Variants in ACP2 observed in about 807,000 individuals in gnomAD.
The protein encoded by ACP2 is lysosomal acid phosphatase.
In ACP2, 35 loss-of-function variants were observed where a neutral mutation model predicts 54.7. The observed-to-expected ratio is 0.64, with a 90% confidence interval of 0.49 to 0.85. ACP2 has a LOEUF of 0.85. ACP2 is among the 40% of genes least tolerant of loss of function. The pLI is 0.00. For synonymous variants in ACP2, 210 were observed against 224.4 expected, an observed-to-expected ratio of 0.94 and a Z score of 0.57; for missense variants, 492 against 565.0, an observed-to-expected ratio of 0.87 and a Z score of 1.31.
chr11:47,240,238 C>G lies in ACP2; in HGVS notation c.1150G>C (p.Ala384Pro), dbSNP rs1407202904. The G allele has an allele frequency of 6.6e-7, 1 of 1,512,496 alleles. No homozygotes were observed. The highest frequency in any genetic ancestry group is 2.3e-5 in the East Asian group (1 of 44,338). 93.7% of individuals were successfully genotyped at this position (1,512,496 alleles called of 1,614,324 possible). The stretch of plus-strand genomic sequence containing the variant: ...AGGATGGAGCCACATACAGCCAAGG[C>G]CACAATCACCTCTGGGCATGGGGGA... ...SGPADTEVIV[A>P]LAVCGSILFL... The change falls in exon 11 of 11, where the codon GCC (alanine) becomes CCC (proline). Residue 384 changes from alanine to proline, a missense_variant. Physicochemically the swap from Ala to Pro is conservative, Grantham distance 27. Transcript: ENST00000672073.
At chr11:47,241,443 G>A (rs1291591065) in intron 10 of ACP2, among the ~76,000 whole-genome samples, 1 of 152,186 alleles carries the variant, frequency 6.6e-6, no homozygotes, top group Non-Finnish European at 1.5e-5. Flanking sequence ...CTTACACCCG[G>A]GAGGCGGAGG....
intron 10 of ACP2, among the ~76,000 whole-genome samples, chr11:47,240,559 C>T (rs1475303802): frequency 6.6e-6 from 1 of 152,150 alleles, no homozygotes; most frequent in African/African-American, 2.4e-5. Context: ...GTGGCTCACA[C>T]CTGTAATCCC....
rs754455970 is a variant in ACP2 at position 47,245,581 on chromosome 11, C to T, written c.451-9G>A. ...AACGGGAACTTCAGCAGCTGTAGAG[C>T]GAAGCGGGGAAACAGGCAGCGGGAA... On this transcript the variant is annotated splice_polypyrimidine_tract_variant and intron_variant, in intron 4 of 10. Transcript: ENST00000672073. The T allele has an allele frequency of 8.1e-6, 13 of 1,614,220 alleles. No individual in the cohort carries two copies. The highest frequency in any genetic ancestry group is 4.4e-5 in the South Asian group (4 of 91,082).
intron 3 of ACP2, among the ~76,000 whole-genome samples, chr11:47,247,013 G>A (rs1954144558): frequency 6.6e-6 from 1 of 152,108 alleles, no homozygotes; most frequent in African/African-American, 2.4e-5. Flanking sequence ...TTCTTGATAC[G>A]GCTGAGGCTG....
intron 7 of ACP2, 33 bp downstream of exon 7, chr11:47,244,702 G>A (rs1953989298): frequency 6.4e-7 from 1 of 1,553,568 alleles, no homozygotes; most frequent in Non-Finnish European, 8.8e-7. Flanking sequence ...AGGGTCCTGA[G>A]GAGTAGAGTG....
chr11:47,248,063 G>A lies in ACP2; in HGVS notation c.185C>T (p.Pro62Leu), dbSNP rs759232793. ...CTTGGTTAACTGACCAAACCCCTGGGGCCATTCTTCTTCCTGATAGGGGTC... is the reference window on the plus strand; with the variant it reads ...CTTGGTTAACTGACCAAACCCCTGGAGCCATTCTTCTTCCTGATAGGGGTC... ...PKDPYQEEEW[P>L]QGFGQLTKEG... The change falls in exon 2 of 11, where the codon CCC (proline) becomes CTC (leucine). Residue 62 changes from proline to leucine, a missense_variant. Coordinates refer to ENST00000672073, the MANE Select transcript of ACP2 (RefSeq NM_001610.4). The A allele has an allele frequency of 1.9e-6, 3 of 1,609,760 alleles. No homozygotes were observed. The highest frequency in any genetic ancestry group is 2.7e-5 in the African/African-American group (2 of 74,596).
chr11:47,242,672 A>C, intron 10 of ACP2, 51 bp downstream of exon 10: 1 of 1,575,448 alleles, frequency 6.3e-7, no homozygotes, highest in Admixed American at 1.7e-5. Flanking sequence ...GTGGATGTGA[A>C]CTGCAGGCTG....
At position 47,245,505 on chromosome 11, in the gene ACP2, G is replaced by A. The variant is rs942193347; in HGVS notation, c.518C>T (p.Pro173Leu). ...CCGAGAACTCTCATTCTGATACTCT[G>A]GTGTCTGCCGGGTCTCGTTCTGCAG... is the stretch of plus-strand genomic sequence containing the variant. Reference protein sequence around the residue: ...EQLQNETRQTPEYQNESSRNA... With the variant: ...EQLQNETRQTLEYQNESSRNA... The change falls in exon 5 of 11, where the codon CCA (proline) becomes CTA (leucine). Residue 173 changes from proline to leucine, a missense_variant. Coordinates refer to ENST00000672073, the MANE Select transcript of ACP2 (RefSeq NM_001610.4). 1 of 1,614,242 alleles carries A rather than the reference G, an allele frequency of 6.2e-7. No individual in the cohort carries two copies. Among genetic ancestry groups the A allele is most frequent in the Non-Finnish European group, 8.5e-7 (1 of 1,180,036 alleles).
In ACP2 at chr11:47,245,650, C is replaced by T. The variant is rs1425892905; in HGVS notation, c.450+32G>A. On this transcript the variant is annotated intron_variant, in intron 4 of 10. Transcript: ENST00000672073. ...AGGCCTACGGCCAGAGCTGTCCCCT[C>T]ACCACCCCAGGGAAGGGCTGGCCAC... 5 of 1,613,396 alleles carry T rather than the reference C, an allele frequency of 3.1e-6. No homozygotes were observed. The South Asian group carries it at 3.3e-5, about 11-fold the overall frequency.
chr11:47,242,528 T>C (rs1203399675), intron 10 of ACP2, among the ~76,000 whole-genome samples, 195 bp downstream of exon 10: 1 of 152,066 alleles, frequency 6.6e-6, no homozygotes, highest in East Asian at 1.9e-4. Context: ...TTGGCTCTTA[T>C]TTTCTCGGTG....
chr11:47,244,992 G>T, intron 6 of ACP2, 125 bp from the exon 7 acceptor site: 1 of 1,451,148 alleles, frequency 6.9e-7, no homozygotes, highest in Non-Finnish European at 9.1e-7. Flanking sequence ...AGGCAGAGGG[G>T]CTGGAACCAG....
intron 6 of ACP2, 124 bp from the exon 7 acceptor site, chr11:47,244,991 G>T (rs1030152350): frequency 1.4e-6 from 2 of 1,452,858 alleles, no homozygotes; most frequent in African/African-American, 2.8e-5. Context: ...GAGGCAGAGG[G>T]GCTGGAACCA....
Position 47,247,698 on chromosome 11 carries a change from G to A in ACP2, c.240C>T (p.Gly80=), listed in dbSNP as rs1397426751. 3 of 1,613,906 alleles carry A rather than the reference G, an allele frequency of 1.9e-6. No homozygotes were observed. In the Admixed American group the frequency reaches 5.0e-5, roughly 27 times the overall value. The change falls in exon 3 of 11, where the codon GGC becomes GGT. Residue 80 remains glycine, a synonymous_variant. Transcript: ENST00000672073. ...CGTGATAGCGCTGCCGCAGGGCCTGGCCCAGTTCCCAGTGCTGTAGCATCC... is the reference window on the plus strand; with the variant it reads ...CGTGATAGCGCTGCCGCAGGGCCTGACCCAGTTCCCAGTGCTGTAGCATCC... ...KEGMLQHWEL[G]QALRQRYHGF...
At position 47,242,879 on chromosome 11, in the gene ACP2, A is replaced by C. The variant is rs1565161745; in HGVS notation, c.982T>G (p.Tyr328Asp). ...EDSGNFSVEM[Y>D]FRNESDKAPW... ...GCCTTGTCACTCTCGTTCCGAAAGT[A>C]CATCTCCACTGAGAAATTCCTGAGG... The change falls in exon 10 of 11, where the codon TAC (tyrosine) becomes GAC (aspartate). Residue 328 changes from tyrosine (Y) to aspartate (D), a missense_variant. Tyr to Asp is a radical substitution (Grantham distance 160). Coordinates refer to ENST00000672073, the MANE Select transcript of ACP2 (RefSeq NM_001610.4). The C allele has an allele frequency of 1.9e-6, 3 of 1,613,036 alleles. No homozygotes were observed. Among genetic ancestry groups the C allele is most frequent in the Non-Finnish European group, 2.5e-6 (3 of 1,179,094 alleles).
intron 7 of ACP2, 63 bp downstream of exon 7, chr11:47,244,672 C>T (rs1157755870): frequency 1.5e-6 from 2 of 1,356,764 alleles, no homozygotes; most frequent in Admixed American, 2.1e-5. Context: ...GAAGCCCCCA[C>T]AGCAGATTTT....
At chr11:47,242,423 TGAG>T (rs1953905775) in intron 10 of ACP2, among the ~76,000 whole-genome samples, 1 of 151,822 alleles carries the variant, frequency 6.6e-6, no homozygotes, top group South Asian at 2.1e-4. Context: ...CTTGCAGAGA[TGAG>T]GAGAGAACCC....
chr11:47,247,832 C>A, intron 2 of ACP2, 105 bp from the exon 3 acceptor site: 2 of 1,159,620 alleles, frequency 1.7e-6, no homozygotes, highest in South Asian at 3.0e-5. Flanking sequence ...TTGCTGGAGT[C>A]AATTAATCTG....
intron 3 of ACP2, 51 bp from the exon 4 acceptor site, chr11:47,245,885 T>TGC: frequency 1.3e-6 from 2 of 1,498,752 alleles, no homozygotes; most frequent in East Asian, 4.7e-5. Context: ...TGTGTGTGTG[T>TGC]TGGGGAAGTT....
intron 6 of ACP2, 39 bp from the exon 7 acceptor site, chr11:47,244,906 G>C: frequency 6.4e-7 from 1 of 1,559,978 alleles, no homozygotes; most frequent in South Asian, 1.2e-5. Flanking sequence ...CCCAGGCCTA[G>C]GCCAGCCTCT....
Sources: gnomAD v4.1 joint callset for allele counts (sites outside exome capture counted in the v4.1 genomes callset) on GRCh38, gnomAD v4.1.1 for gene constraint, MANE v1.5 for transcripts, NCBI Gene and HGNC (gene_info 2026-07-23, HGNC 2026-07-21) for gene names.